RAPGEF4: variants seen among roughly 807,000 people sequenced by gnomAD.
RAPGEF4 encodes the protein Rap guanine nucleotide exchange factor 4.
Under a neutral mutation model 147.9 loss-of-function variants are expected in RAPGEF4, and 66 were observed. The observed-to-expected ratio is 0.45, with a 90% CI of 0.37 to 0.55. The LOEUF (loss-of-function observed/expected upper bound fraction) is 0.55, where lower values mean the gene tolerates loss of function less well. Among genes scored for constraint, RAPGEF4 ranks in the 20% least tolerant of loss-of-function variants. The probability of loss-of-function intolerance (pLI) is 0.00; values close to 1 mark genes in which losing one functional copy is unlikely to be tolerated. For synonymous variants in RAPGEF4, 419 were observed against 442.7 expected (o/e 0.95, Z 0.67); for missense variants, 1,071 against 1,257.3 (o/e 0.85, Z 2.24).
At chr2:172,764,216 G>A (rs1696616688) in intron 1 of RAPGEF4, among the ~76,000 whole-genome samples, 1 of 151,020 alleles carries the variant, frequency 6.6e-6, no homozygotes, top group African/African-American at 2.4e-5. Flanking sequence ...ATCACGCACT[G>A]CGCTCCAGCC....
intron 4 of RAPGEF4, among the ~76,000 whole-genome samples, chr2:172,888,986 T>A (rs1329782245): frequency 6.6e-6 from 1 of 152,146 alleles, no homozygotes; most frequent in Non-Finnish European, 1.5e-5. Flanking sequence ...TTAATTGACT[T>A]CCTAGACACC....
At chr2:172,875,564 G>T (rs1222826306) in intron 4 of RAPGEF4, among the ~76,000 whole-genome samples, 1 of 152,110 alleles carries the variant, frequency 6.6e-6, no homozygotes, top group Non-Finnish European at 1.5e-5. Flanking sequence ...TTGTAGATGT[G>T]TGGTATTATT....
chr2:172,794,614 G>T (rs548441631), intron 1 of RAPGEF4, among the ~76,000 whole-genome samples: 6 of 152,270 alleles, frequency 3.9e-5, no homozygotes, highest in African/African-American at 1.4e-4. Flanking sequence ...TTTTCTTAGA[G>T]ATTTTTTTCC....
chr2:172,894,522 T>C (rs1698273422), intron 4 of RAPGEF4: 1 of 152,166 alleles, frequency 6.6e-6, no homozygotes, highest in Admixed American at 6.6e-5. Context: ...AGGAAAAGGA[T>C]TTAGTGGGAG....
intron 10 of RAPGEF4, among the ~76,000 whole-genome samples, chr2:172,982,608 A>G (rs191411986): frequency 6.6e-6 from 1 of 152,322 alleles, no homozygotes; most frequent in Admixed American, 6.5e-5. Flanking sequence ...ACGAAAAGTG[A>G]TTAGGAATCT....
intron 17 of RAPGEF4, among the ~76,000 whole-genome samples, chr2:173,011,308 T>C (rs770875048): frequency 7.9e-5 from 12 of 152,062 alleles, no homozygotes; most frequent in Non-Finnish European, 1.8e-4. Context: ...TAGCTGCTGG[T>C]TAGGATAGTG....
At chr2:172,919,500 A>C (rs575708286) in intron 5 of RAPGEF4, among the ~76,000 whole-genome samples, 118 of 151,632 alleles carry the variant, frequency 7.8e-4, no homozygotes, top group Admixed American at 1.4e-3. Flanking sequence ...CTCTCTGGCC[A>C]CTCACATTTT....
intron 4 of RAPGEF4, among the ~76,000 whole-genome samples, chr2:172,867,224 C>T (rs552799119): frequency 1.1e-4 from 16 of 152,170 alleles, no homozygotes; most frequent in South Asian, 1.0e-3. Context: ...CCACCCACCT[C>T]GGCCTCCCAA....
chr2:172,898,767 G>A (rs555751345), intron 4 of RAPGEF4, among the ~76,000 whole-genome samples: 143 of 152,300 alleles, frequency 9.4e-4, no homozygotes, highest in Non-Finnish European at 1.7e-3. Context: ...GTCCTGAAAG[G>A]TGTCACTTTC....
intron 8 of RAPGEF4, 142 bp downstream of exon 8, chr2:172,961,370 AC>A (rs1689276999): frequency 4.8e-6 from 3 of 627,702 alleles, no homozygotes; most frequent in Non-Finnish European, 8.4e-6. Flanking sequence ...GGCTTGTCTT[AC>A]ATCTCAGCTT....
chr2:172,797,432 C>A, intron 2 of RAPGEF4, 93 bp from the exon 3 acceptor site: 2 of 992,334 alleles, frequency 2.0e-6, no homozygotes, highest in South Asian at 1.5e-5. Flanking sequence ...TCAGTTAGGT[C>A]CAAGACATGC....
intron 1 of RAPGEF4, among the ~76,000 whole-genome samples, chr2:172,768,042 C>T (rs921632436): frequency 6.6e-6 from 1 of 151,988 alleles, no homozygotes; most frequent in African/African-American, 2.4e-5. Flanking sequence ...GAACTCCTGA[C>T]CTCAAGTGAT....
At chr2:172,777,357 A>T (rs1028007257) in intron 1 of RAPGEF4, among the ~76,000 whole-genome samples, 3 of 152,040 alleles carry the variant, frequency 2.0e-5, no homozygotes, top group Non-Finnish European at 4.4e-5. Flanking sequence ...GAGATACAAT[A>T]GTTATTTAAA....
chr2:173,016,239 T>C, intron 18 of RAPGEF4, 110 bp from the exon 19 acceptor site: 2 of 712,156 alleles, frequency 2.8e-6, no homozygotes, highest in South Asian at 1.8e-5. Context: ...AGCCATGGTC[T>C]GGAGATGCTG....
chr2:172,983,496 A>G lies in RAPGEF4; in HGVS notation c.1005A>G (p.Pro335=), dbSNP rs1248436864. ...CCTTTTTTTTTTTTTATCTTTGTAG[A>G]CCTGGCCAGAGGACTGTGGATGACC... ...DAHMRMILRK[P]PGQRTVDDLE... is the part of the protein sequence containing the mutation. Residue 335 remains proline, a splice_region_variant and synonymous_variant, in exon 11 of 31, where the codon CCA becomes CCG. Transcript: ENST00000397081. 1 of 1,600,454 alleles carries G rather than the reference A, an allele frequency of 6.2e-7. No homozygotes were observed. Among genetic ancestry groups the G allele is most frequent in the Admixed American group, 1.7e-5 (1 of 58,090 alleles).
chr2:172,780,549 T>C (rs1684587250), intron 1 of RAPGEF4, among the ~76,000 whole-genome samples: 1 of 152,220 alleles, frequency 6.6e-6, no homozygotes. Context: ...TATGTCTTCT[T>C]TTTAGGCAAA....
At chr2:172,768,271 T>C (rs1173361864) in intron 1 of RAPGEF4, among the ~76,000 whole-genome samples, 1 of 152,108 alleles carries the variant, frequency 6.6e-6, no homozygotes, top group Admixed American at 6.5e-5. Context: ...CAGCAGACAA[T>C]CATTCATGCA....
At chr2:173,009,797 C>T (rs2105859132) in intron 17 of RAPGEF4, among the ~76,000 whole-genome samples, 1 of 152,284 alleles carries the variant, frequency 6.6e-6, no homozygotes. Context: ...ATTTCTGTGC[C>T]TCTCTATCAG....
intron 4 of RAPGEF4, chr2:172,893,768 ACT>A (rs1698184692): frequency 6.6e-6 from 1 of 152,078 alleles, no homozygotes; most frequent in African/African-American, 2.4e-5. Flanking sequence ...CTTTACTGAA[ACT>A]CGATTCATTG....
Sources: allele counts gnomAD v4.1 joint callset (sites outside exome capture counted in the v4.1 genomes callset), GRCh38; gene constraint gnomAD v4.1.1; transcripts MANE v1.5; gene names NCBI Gene and HGNC (gene_info 2026-07-23, HGNC 2026-07-21).